The following ZFHX3 variants were observed in gnomAD, a reference collection of about 807,000 sequenced individuals.
The protein encoded by ZFHX3 is zinc finger homeobox 3, also known as zinc finger homeobox protein 3.
Under a neutral mutation model 279.1 loss-of-function variants are expected in ZFHX3, and 42 were observed. The ratio of observed to expected loss-of-function variants is 0.15; its 90% CI spans 0.12 to 0.19. The LOEUF (loss-of-function observed/expected upper bound fraction) is 0.19. Ranked by LOEUF, ZFHX3 falls within the 10% of genes least tolerant of loss-of-function variation. ZFHX3 has a pLI of 1.00. For synonymous variants in ZFHX3, 2,293 were observed against 1,957.8 expected (o/e 1.17, Z -4.52); for missense variants, 4,981 against 4,754.0 (o/e 1.05, Z -1.40).
chr16:73,140,578 G>A (rs760242577), intron 6 of ZFHX3, among the ~76,000 whole-genome samples: 4 of 151,992 alleles, frequency 2.6e-5, no homozygotes, highest in Non-Finnish European at 5.9e-5. Flanking sequence ...TGGGGAGGCC[G>A]GGCGTGGCGG....
intron 5 of ZFHX3, among the ~76,000 whole-genome samples, chr16:73,172,988 GTT>G (rs1296855983): frequency 2.2e-5 from 1 of 46,170 alleles, no homozygotes; most frequent in African/African-American, 1.2e-4. Context: ...TGATGGGACT[GTT>G]TTTTTGTTTT....
intron 1 of ZFHX3, among the ~76,000 whole-genome samples, chr16:73,716,004 C>A (rs1344478377): frequency 2.6e-5 from 4 of 152,186 alleles, no homozygotes; most frequent in Admixed American, 2.6e-4. Context: ...TGCTCCATTT[C>A]CCTAACCCTA....
At chr16:72,939,254 C>G (rs1173798576) in intron 3 of ZFHX3, among the ~76,000 whole-genome samples, 1 of 152,074 alleles carries the variant, frequency 6.6e-6, no homozygotes, top group Non-Finnish European at 1.5e-5. Context: ...ACCCCCATCT[C>G]GAGGCACAGA....
chr16:73,649,776 G>C (rs1025575873), intron 2 of ZFHX3, among the ~76,000 whole-genome samples: 13 of 152,134 alleles, frequency 8.5e-5, no homozygotes, highest in African/African-American at 2.9e-4. Flanking sequence ...GCAAGCCTCA[G>C]GAATATCTCA....
intron 2 of ZFHX3, among the ~76,000 whole-genome samples, chr16:73,579,876 A>T (rs1049350658): frequency 6.8e-6 from 1 of 146,874 alleles, no homozygotes; most frequent in African/African-American, 2.5e-5. Flanking sequence ...ATATATATAC[A>T]TACACACACA....
chr16:73,680,474 G>A (rs978888408), intron 1 of ZFHX3, among the ~76,000 whole-genome samples: 2 of 152,170 alleles, frequency 1.3e-5, no homozygotes, highest in South Asian at 2.1e-4. Context: ...GAAAGCCTGT[G>A]CTCTCCCCTT....
chr16:73,773,051 G>C (rs328360), intron 1 of ZFHX3, among the ~76,000 whole-genome samples: 3 of 152,050 alleles, frequency 2.0e-5, no homozygotes, highest in Admixed American at 2.0e-4. Context: ...ATCAGTGCAG[G>C]GGCTGTTAGC....
At position 73,151,808 on chromosome 16, in the gene ZFHX3, C is replaced by T. The variant is rs750734633; in HGVS notation, c.-1103-7977G>A. On this transcript the variant is annotated intron_variant, in intron 5 of 17. Transcript: ENST00000641206. Reference sequence around the variant, plus strand: ...ATTCACGTGATAACACTGACCTTGCCGGGGGCTACACAAAGAAAAGTGAAC... The same window carrying T: ...ATTCACGTGATAACACTGACCTTGCTGGGGGCTACACAAAGAAAAGTGAAC... Among the ~76,000 whole-genome samples the T allele has an allele frequency of 3.3e-5, 5 of 150,796 alleles. 1 individual carries two copies. Among genetic ancestry groups the T allele is most frequent in the South Asian group, 2.1e-4 (1 of 4,774 alleles).
intron 2 of ZFHX3, among the ~76,000 whole-genome samples, chr16:73,590,678 T>A (rs1225101715): frequency 6.6e-6 from 1 of 152,244 alleles, no homozygotes; most frequent in Non-Finnish European, 1.5e-5. Context: ...AAATTTTACC[T>A]GTAACGAGAT....
At chr16:73,746,693 T>G (rs1031491103) in intron 1 of ZFHX3, among the ~76,000 whole-genome samples, 1 of 152,160 alleles carries the variant, frequency 6.6e-6, no homozygotes. Flanking sequence ...TGTTTGGGCT[T>G]CCCCAACATC....
intron 5 of ZFHX3, among the ~76,000 whole-genome samples, chr16:73,145,311 A>G (rs1966858203): frequency 6.6e-6 from 1 of 152,132 alleles, no homozygotes; most frequent in Non-Finnish European, 1.5e-5. Context: ...GGTGTAGCCA[A>G]TGTCAGGGTC....
chr16:73,059,524 T>TTCTCTCCCTCTCTCTC (rs1555546370), exon 1 of ZFHX3: 2 of 103,252 alleles, frequency 1.9e-5, no homozygotes, highest in Non-Finnish European at 1.9e-5. Flanking sequence ...ATTTTCCCCT[T>TTCTCTCCCTCTCTCTC]TCTCTCTCTC....
chr16:73,533,650 C>A (rs2459557), intron 2 of ZFHX3, among the ~76,000 whole-genome samples: 107,237 of 151,908 alleles, frequency 0.71, 39,350 homozygotes, highest in African/African-American at 0.91. Context: ...TTTAATAGAC[C>A]TCTGAAAATC....
intron 4 of ZFHX3, among the ~76,000 whole-genome samples, chr16:73,285,265 C>T (rs926209540): frequency 1.3e-5 from 2 of 152,178 alleles, no homozygotes; most frequent in African/African-American, 4.8e-5. Context: ...GCAGTGCCCA[C>T]AAGGCGATGA....
chr16:72,856,749 T>C (rs1478912025), intron 4 of ZFHX3, among the ~76,000 whole-genome samples: 1 of 152,164 alleles, frequency 6.6e-6, no homozygotes, highest in Non-Finnish European at 1.5e-5. Context: ...CCTATACACA[T>C]CAGCTTTGAA....
Position 73,780,111 on chromosome 16 carries a change from A to ATTTTTT in ZFHX3, c.-1607-99877_-1607-99872dup, listed in dbSNP as rs762134796. Among the ~76,000 whole-genome samples, 235 of 33,216 alleles carry ATTTTTT rather than the reference A, an allele frequency of 7.1e-3. 104 individuals carry two copies. Among genetic ancestry groups the ATTTTTT allele is most frequent in the Non-Finnish European group, 0.014 (193 of 13,574 alleles). 21.8% of individuals were successfully genotyped at this position (33,216 alleles called of 152,430 possible). A position where few individuals can be genotyped will look rare whatever the true frequency, so the allele number is the denominator to read the frequency against. ...AACCAGCAAAACTCACTGCATTTGA[A>ATTTTTT]TTTTTTTTTTTTTTTTTTTTTTTTT... On this transcript the variant is annotated intron_variant, in intron 1 of 17. Transcript: ENST00000641206.
intron 1 of ZFHX3, among the ~76,000 whole-genome samples, chr16:72,993,202 T>G (rs755579560): frequency 1.3e-5 from 2 of 152,186 alleles, no homozygotes; most frequent in Non-Finnish European, 2.9e-5. Flanking sequence ...TCCCCCGGCC[T>G]GGCTGGCCAG....
intron 1 of ZFHX3, among the ~76,000 whole-genome samples, chr16:73,887,862 T>TA (rs528409264): frequency 6.2e-4 from 94 of 152,146 alleles, no homozygotes; most frequent in Middle Eastern, 3.4e-3. Context: ...GAATTTTTTT[T>TA]AAAAAAACAA....
chr16:73,492,076 C>T (rs2019064883), intron 2 of ZFHX3, among the ~76,000 whole-genome samples: 1 of 152,216 alleles, frequency 6.6e-6, no homozygotes, highest in Non-Finnish European at 1.5e-5. Flanking sequence ...TGCTACATAC[C>T]TATGCAGCTG....
Sources: allele counts gnomAD v4.1 joint callset (sites outside exome capture counted in the v4.1 genomes callset), GRCh38; gene constraint gnomAD v4.1.1; transcripts MANE v1.5; gene names NCBI Gene and HGNC (gene_info 2026-07-23, HGNC 2026-07-21).